SLC37A3: variants seen among roughly 807,000 people sequenced by gnomAD.
SLC37A3 encodes the protein sugar phosphate exchanger 3.
SLC37A3 carries 51 observed loss-of-function variants against 67.1 expected under a neutral mutation model. The observed-to-expected ratio is 0.76, with a 90% CI of 0.61 to 0.96. SLC37A3 has a LOEUF of 0.96. Ranked by LOEUF, SLC37A3 falls within the 40% of genes least tolerant of loss-of-function variation. SLC37A3 has a pLI of 0.00. For missense variants in SLC37A3, 508 were observed against 603.0 expected, an observed-to-expected ratio of 0.84 and a Z score of 1.65; for synonymous variants, 214 against 231.4, an observed-to-expected ratio of 0.92 and a Z score of 0.68.
At chr7:140,346,269 A>G (rs1796556286) in intron 10 of SLC37A3, among the ~76,000 whole-genome samples, 1 of 152,034 alleles carries the variant, frequency 6.6e-6, no homozygotes, top group Non-Finnish European at 1.5e-5. Flanking sequence ...AGTCCCAGCT[A>G]CTCAGGAGGC....
intron 2 of SLC37A3, 149 bp downstream of exon 2, chr7:140,382,289 T>C: frequency 1.5e-6 from 1 of 672,864 alleles, no homozygotes; most frequent in Non-Finnish European, 2.5e-6. Flanking sequence ...CCTCCAGAAC[T>C]ACGATATTAC....
At chr7:140,378,371 G>C in intron 3 of SLC37A3, among the ~76,000 whole-genome samples, 1 of 152,178 alleles carries the variant, frequency 6.6e-6, no homozygotes, top group Non-Finnish European at 1.5e-5. Context: ...TATCTTCCAA[G>C]AATGACAAAG....
intron 7 of SLC37A3, among the ~76,000 whole-genome samples, chr7:140,355,283 C>G (rs1161764265): frequency 1.3e-5 from 2 of 151,892 alleles, no homozygotes; most frequent in African/African-American, 4.8e-5. Context: ...GCGACCTTGG[C>G]TCACTGCAAC....
At chr7:140,339,225 C>A (rs1796258550) in intron 13 of SLC37A3, among the ~76,000 whole-genome samples, 1 of 150,770 alleles carries the variant, frequency 6.6e-6, no homozygotes, top group Non-Finnish European at 1.5e-5. Context: ...AATAATACTG[C>A]AATAAATGTT....
chr7:140,380,304 G>A lies in SLC37A3; in HGVS notation c.176C>T (p.Thr59Met), dbSNP rs774256728. Reference protein sequence around the residue: ...SEQWTPSAFNTSVELPVEIWS... With the variant: ...SEQWTPSAFNMSVELPVEIWS... The stretch of plus-strand genomic sequence containing the variant: ...TACCTCCACAGGCAGCTCAACTGAC[G>A]TGTTAAAAGCACTTGGGGTCCACTG... The change falls in exon 3 of 15, where the codon ACG (threonine) becomes ATG (methionine). Residue 59 changes from threonine (T) to methionine (M), a missense_variant. By Grantham distance (81) the Thr-to-Met change is moderately conservative (BLOSUM62 -1). Coordinates refer to ENST00000326232, the MANE Select transcript of SLC37A3 (RefSeq NM_207113.3). 19 of 1,612,290 alleles carry A rather than the reference G, an allele frequency of 1.2e-5. No homozygotes were observed. The highest frequency in any genetic ancestry group is 1.6e-4 in the Middle Eastern group (1 of 6,070).
rs1798683829 is a variant in SLC37A3 at position 140,390,495 on chromosome 7, C to T, written c.-70-7899G>A. ...AGCGTTCCATGTTCTCTTTGTTCCC[C>T]AAGGCCGTTTCTGGGCCGCTCTCTT... On this transcript the variant is annotated intron_variant, in intron 1 of 14. Transcript: ENST00000326232. Among the ~76,000 whole-genome samples the T allele has an allele frequency of 2.0e-5, 3 of 152,116 alleles. No homozygotes were observed. In the South Asian group the frequency reaches 6.2e-4, roughly 31 times the overall value.
intron 5 of SLC37A3, among the ~76,000 whole-genome samples, chr7:140,360,382 A>G (rs1309438632): frequency 6.6e-6 from 1 of 152,120 alleles, no homozygotes; most frequent in Non-Finnish European, 1.5e-5. Flanking sequence ...ACTAAACTCC[A>G]TGGTTTCATT....
Position 140,358,680 on chromosome 7 carries a change from A to T in SLC37A3, c.481T>A (p.Cys161Ser). The change falls in exon 6 of 15, where the codon TGT (cysteine) becomes AGT (serine). Residue 161 changes from cysteine (C) to serine (S), a missense_variant. Coordinates refer to ENST00000326232, the MANE Select transcript of SLC37A3 (RefSeq NM_207113.3). ...CAGTTGCCCATAACAGCAACCACAC[A>T]GGGCCAACCAGTGGACTGCAGCAGG... ...NGLLQSTGWPCVVAVMGNWFG... is the reference protein window; with the variant it reads ...NGLLQSTGWPSVVAVMGNWFG... 6.2e-7 allele frequency: 1 copy of T among 1,614,188 alleles called. No individual in the cohort carries two copies. Among genetic ancestry groups the T allele is most frequent in the Non-Finnish European group, 8.5e-7 (1 of 1,180,034 alleles).
Position 140,335,414 on chromosome 7 carries a change from A to T in SLC37A3, c.1483T>A (p.Ter495ArgextTer33), listed in dbSNP as rs778106232. The T allele has an allele frequency of 6.2e-7, 1 of 1,613,966 alleles. No homozygotes were observed. The highest frequency in any genetic ancestry group is 8.5e-7 in the Non-Finnish European group (1 of 1,180,016). The change falls in exon 15 of 15, where the codon TGA becomes AGA. Residue 495 changes from the stop codon to arginine, a stop_lost. Coordinates refer to ENST00000326232, the MANE Select transcript of SLC37A3 (RefSeq NM_207113.3). ...TCTTTCTGTCTCGCGGGCACCGGTC[A>T]CTCCCTCAATATGTGAGCCTGTCTC... ...LRRQAHILRE[*>R]
rs773681963 is a variant in SLC37A3 at position 140,369,698 on chromosome 7, AG to A, written c.199-17del. The A allele has an allele frequency of 6.5e-4, 1,051 of 1,610,004 alleles. No individual in the cohort carries two copies. Among genetic ancestry groups the A allele is most frequent in the Non-Finnish European group, 8.1e-4 (956 of 1,176,752 alleles). ...TGCTCCAGATCTACAGTAAGACAGC[AG>A]GAACAGGTCAGTCCCTGTAGAATCT... On this transcript the variant is annotated splice_polypyrimidine_tract_variant and intron_variant, in intron 3 of 14. Transcript: ENST00000326232.
At chr7:140,373,884 C>T (rs60977826) in intron 3 of SLC37A3, among the ~76,000 whole-genome samples, 2,959 of 151,990 alleles carry the variant, frequency 0.019, 85 homozygotes, top group African/African-American at 0.067. Flanking sequence ...TTAACAGACA[C>T]GAAGTGATGT....
At chr7:140,353,493 A>T (rs1479586924) in intron 7 of SLC37A3, among the ~76,000 whole-genome samples, 1 of 151,666 alleles carries the variant, frequency 6.6e-6, no homozygotes, top group African/African-American at 2.4e-5. Context: ...AAAAAAAAGA[A>T]AGTACAGTAA....
chr7:140,343,245 C>T (rs1796427137), intron 13 of SLC37A3, among the ~76,000 whole-genome samples, 167 bp downstream of exon 13: 1 of 152,194 alleles, frequency 6.6e-6, no homozygotes, highest in Non-Finnish European at 1.5e-5. Context: ...AGTCCTTCTA[C>T]ATTAGGACGC....
Position 140,345,251 on chromosome 7 carries a change from T to C in SLC37A3, c.1139A>G (p.Asp380Gly), listed in dbSNP as rs1185852953. The part of the protein sequence containing the change: ...SLIGYSRSPN[D>G]KSINALLMTV... ...CATCAGAAGGGCATTGATGGACTTA[T>C]CATTTGGAGAACCTGTGAGGGAAGA... The change falls in exon 12 of 15, where the codon GAT becomes GGT. Residue 380 changes from aspartate to glycine, a missense_variant. Coordinates refer to ENST00000326232, the MANE Select transcript of SLC37A3 (RefSeq NM_207113.3). 2.5e-6 allele frequency: 4 copies of C among 1,613,972 alleles called. No individual in the cohort carries two copies. The African/African-American group carries it at 4.0e-5, about 16-fold the overall frequency.
intron 13 of SLC37A3, among the ~76,000 whole-genome samples, chr7:140,339,424 C>A (rs1399978422): frequency 6.6e-6 from 1 of 151,674 alleles, no homozygotes; most frequent in Admixed American, 6.6e-5. Context: ...CCACATCCAG[C>A]TAATTTTCGT....
At chr7:140,358,585 A>C in intron 6 of SLC37A3, 55 bp downstream of exon 6, 1 of 1,606,094 alleles carries the variant, frequency 6.2e-7, no homozygotes, top group Non-Finnish European at 8.5e-7. Flanking sequence ...AGTCTGAAAA[A>C]TCCACCATGG....
chr7:140,389,303 A>C (rs1281888812), intron 1 of SLC37A3, among the ~76,000 whole-genome samples: 1 of 152,086 alleles, frequency 6.6e-6, no homozygotes, highest in African/African-American at 2.4e-5. Context: ...TCAGTGCTGG[A>C]GATATTTTGT....
chr7:140,376,047 T>C (rs972189006), intron 3 of SLC37A3, among the ~76,000 whole-genome samples: 19 of 152,112 alleles, frequency 1.2e-4, no homozygotes, highest in African/African-American at 4.6e-4. Flanking sequence ...CTTAAGCAGC[T>C]GCTCAAAGTT....
chr7:140,344,521 C>T (rs901032445), intron 12 of SLC37A3, among the ~76,000 whole-genome samples: 2 of 150,614 alleles, frequency 1.3e-5, no homozygotes, highest in Non-Finnish European at 3.0e-5. Context: ...TTTGGGAGGC[C>T]AAGGCAGGTG....
Sources: gnomAD v4.1 joint callset for allele counts (sites outside exome capture counted in the v4.1 genomes callset) on GRCh38, gnomAD v4.1.1 for gene constraint, MANE v1.5 for transcripts, NCBI Gene and HGNC (gene_info 2026-07-23, HGNC 2026-07-21) for gene names.